The following NKAIN3 variants were observed in gnomAD, a reference collection of about 807,000 sequenced individuals.
NKAIN3 encodes sodium/potassium-transporting ATPase subunit beta-1-interacting protein 3.
NKAIN3 carries 25 observed loss-of-function variants against 30.2 expected under a neutral mutation model. The ratio of observed to expected loss-of-function variants is 0.83; its 90% CI spans 0.60 to 1.16. The LOEUF is 1.16. Among genes scored for constraint, NKAIN3 ranks in the 50% most tolerant of loss-of-function variants. The pLI is 0.00. For missense variants in NKAIN3, 225 were observed against 254.1 expected (o/e 0.89, Z 0.78); for synonymous variants, 91 against 89.6 (o/e 1.02, Z -0.09).
intron 1 of NKAIN3, among the ~76,000 whole-genome samples, chr8:62,299,033 A>G (rs1180397023): frequency 6.6e-6 from 1 of 151,970 alleles, no homozygotes; most frequent in Non-Finnish European, 1.5e-5. Context: ...TGAATAAATG[A>G]AAAGTATAGA....
intron 3 of NKAIN3, among the ~76,000 whole-genome samples, chr8:62,646,885 G>T (rs531533739): frequency 5.9e-4 from 90 of 152,196 alleles, no homozygotes; most frequent in Admixed American, 9.2e-4. Flanking sequence ...GGAAAGAAAT[G>T]GTACTGAATG....
intron 5 of NKAIN3, among the ~76,000 whole-genome samples, chr8:62,935,478 A>ATTTTTTT (rs1289857933): frequency 6.6e-6 from 1 of 151,562 alleles, no homozygotes; most frequent in South Asian, 2.1e-4. Flanking sequence ...GTAAACTACA[A>ATTTTTTT]TTTTTTTTTC....
At chr8:62,370,050 C>T (rs1327724237) in intron 1 of NKAIN3, among the ~76,000 whole-genome samples, 2 of 151,944 alleles carry the variant, frequency 1.3e-5, no homozygotes, top group Non-Finnish European at 2.9e-5. Context: ...TGTGATGAAG[C>T]AGTTAGTTGA....
intron 4 of NKAIN3, among the ~76,000 whole-genome samples, chr8:62,788,767 C>T (rs1186578887): frequency 2.0e-5 from 3 of 151,648 alleles, no homozygotes; most frequent in Non-Finnish European, 4.4e-5. Context: ...AGCCAGTTTT[C>T]CCAGCACCAT....
At chr8:62,589,875 TTGTGTGTGTGTGTGTG>T (rs35791396) in intron 3 of NKAIN3, 81 bp downstream of exon 3, 17,257 of 410,118 alleles carry the variant, frequency 0.042, 6 homozygotes, top group Non-Finnish European at 0.055. Flanking sequence ...TATAGGTATA[TTGTGTGTGTGTGTGTG>T]TGTGTGTGTG....
At position 62,869,888 on chromosome 8, in the gene NKAIN3, C is replaced by G. The variant is rs183998580; in HGVS notation, c.472-48565C>G. 5.8e-4 allele frequency among the ~76,000 whole-genome samples: 88 copies of G among 152,206 alleles called. No individual in the cohort carries two copies. The Middle Eastern group carries it at 0.01, about 18-fold the overall frequency. ...GTTCACGCCATTCTCCTGCCTCAGC[C>G]CCCCCGAAGTGGCTGGGACTACAGG... On this transcript the variant is annotated intron_variant, in intron 4 of 6. Transcript: ENST00000623646.
intron 1 of NKAIN3, among the ~76,000 whole-genome samples, chr8:62,399,741 G>A (rs369614729): frequency 1.1e-3 from 175 of 152,268 alleles, no homozygotes; most frequent in African/African-American, 4.1e-3. Flanking sequence ...CTCTCAGTAA[G>A]CATCTGCCTA....
chr8:62,455,878 G>A (rs1055420755), intron 1 of NKAIN3, among the ~76,000 whole-genome samples: 1 of 152,148 alleles, frequency 6.6e-6, no homozygotes, highest in African/African-American at 2.4e-5. Context: ...TGGGGGATAT[G>A]TTCCAAGTCC....
At chr8:62,709,552 G>A (rs967437468) in intron 3 of NKAIN3, among the ~76,000 whole-genome samples, 3 of 152,094 alleles carry the variant, frequency 2.0e-5, no homozygotes, top group African/African-American at 7.2e-5. Context: ...TATTTCAGTG[G>A]TGTCAGTTGT....
At chr8:62,292,393 T>G (rs1207258920) in intron 1 of NKAIN3, among the ~76,000 whole-genome samples, 1 of 152,202 alleles carries the variant, frequency 6.6e-6, no homozygotes, top group Non-Finnish European at 1.5e-5. Flanking sequence ...CTTTCCATGT[T>G]TATTGCTTCC....
chr8:62,684,750 C>A (rs1440672588), intron 3 of NKAIN3, among the ~76,000 whole-genome samples: 1 of 152,122 alleles, frequency 6.6e-6, no homozygotes, highest in African/African-American at 2.4e-5. Flanking sequence ...AGAATGAGGT[C>A]ATTGGGGTGG....
intron 1 of NKAIN3, among the ~76,000 whole-genome samples, chr8:62,319,555 G>A (rs555511556): frequency 1.2e-3 from 179 of 152,226 alleles, no homozygotes; most frequent in Middle Eastern, 6.8e-3. Context: ...TGGTTTCAAA[G>A]AACATATTTA....
At chr8:62,474,857 G>A (rs190520371) in intron 1 of NKAIN3, among the ~76,000 whole-genome samples, 11 of 151,776 alleles carry the variant, frequency 7.2e-5, no homozygotes, top group African/African-American at 1.5e-4. Flanking sequence ...CAAATGAAAG[G>A]GTAAATATAA....
At chr8:62,785,121 G>GA (rs1190218401) in intron 4 of NKAIN3, among the ~76,000 whole-genome samples, 7 of 152,024 alleles carry the variant, frequency 4.6e-5, no homozygotes, top group African/African-American at 1.7e-4. Context: ...ATATACCCAA[G>GA]AAAAATGAAG....
At chr8:62,463,772 T>C (rs1385695883) in intron 1 of NKAIN3, among the ~76,000 whole-genome samples, 2 of 152,208 alleles carry the variant, frequency 1.3e-5, no homozygotes, top group Non-Finnish European at 2.9e-5. Context: ...AGTATATCTG[T>C]GATAAAGTTT....
intron 1 of NKAIN3, among the ~76,000 whole-genome samples, chr8:62,346,380 T>A (rs1816007348): frequency 6.6e-6 from 1 of 152,112 alleles, no homozygotes; most frequent in Admixed American, 6.6e-5. Context: ...GAAAAATTTT[T>A]AAAAATCCAG....
rs1344063069 is a variant in NKAIN3 at position 62,934,536 on chromosome 8, AC to A, written c.532+16024del. ...TTATTAAGACAGTACAACTCTTGCA[AC>A]AAAAAGCAATGACAGAAGCTGCAGC... On this transcript the variant is annotated intron_variant, in intron 5 of 6. Transcript: ENST00000623646. Among the ~76,000 whole-genome samples the A allele has an allele frequency of 2.6e-5, 4 of 152,110 alleles. No homozygotes were observed. The South Asian group carries it at 6.2e-4, about 24-fold the overall frequency.
At chr8:62,729,672 T>C (rs962633211) in intron 3 of NKAIN3, among the ~76,000 whole-genome samples, 4 of 152,176 alleles carry the variant, frequency 2.6e-5, no homozygotes, top group African/African-American at 9.7e-5. Context: ...CAGTATTTAT[T>C]TTTTCTATAA....
intron 1 of NKAIN3, among the ~76,000 whole-genome samples, chr8:62,294,469 G>A (rs985449716): frequency 2.1e-4 from 32 of 152,222 alleles, no homozygotes; most frequent in Middle Eastern, 6.8e-3. Flanking sequence ...TACACAAAAA[G>A]GATTATAATA....
Sources: gnomAD v4.1 joint callset for allele counts (sites outside exome capture counted in the v4.1 genomes callset) on GRCh38, gnomAD v4.1.1 for gene constraint, MANE v1.5 for transcripts, NCBI Gene and HGNC (gene_info 2026-07-23, HGNC 2026-07-21) for gene names.